SGCZ: variants seen among roughly 807,000 people sequenced by gnomAD.
SGCZ encodes sarcoglycan zeta.
SGCZ carries 40 observed loss-of-function variants against 41.3 expected under a neutral mutation model. The observed-to-expected ratio is 0.97, with a 90% confidence interval of 0.75 to 1.26. The LOEUF (loss-of-function observed/expected upper bound fraction) is 1.26, where lower values mean the gene tolerates loss of function less well. Ranked by LOEUF, SGCZ falls within the 50% of genes most tolerant of loss-of-function variation. The pLI is 0.00. For missense variants in SGCZ, 552 were observed against 369.8 expected (o/e 1.49, Z -4.04); for synonymous variants, 206 against 137.5 (o/e 1.50, Z -3.49).
chr8:15,082,119 C>A (rs1451099924), intron 1 of SGCZ, among the ~76,000 whole-genome samples: 2 of 151,952 alleles, frequency 1.3e-5, no homozygotes, highest in Non-Finnish European at 2.9e-5. Context: ...ATCTCAGCTA[C>A]TGGGGAGGCT....
Position 15,188,082 on chromosome 8 carries a change from T to C in SGCZ, c.39+49503A>G, listed in dbSNP as rs533287981. 2.6e-5 allele frequency among the ~76,000 whole-genome samples: 4 copies of C among 152,144 alleles called. No homozygotes were observed. In the East Asian group the frequency reaches 5.8e-4, roughly 22 times the overall value. On this transcript the variant is annotated intron_variant, in intron 1 of 7. Transcript: ENST00000382080. Reference sequence around the variant, plus strand: ...ATGTATGCTCGTTTAATTTTAACCATGTCTACATAATAATCTCCATTTTGC... The same window carrying C: ...ATGTATGCTCGTTTAATTTTAACCACGTCTACATAATAATCTCCATTTTGC...
chr8:15,228,995 A>G (rs1271672409), intron 1 of SGCZ, among the ~76,000 whole-genome samples: 1 of 152,178 alleles, frequency 6.6e-6, no homozygotes, highest in African/African-American at 2.4e-5. Flanking sequence ...GGAGTTCAAG[A>G]CCAGCCTGGC....
At chr8:14,151,099 A>G (rs1241549852) in intron 5 of SGCZ, among the ~76,000 whole-genome samples, 1 of 152,086 alleles carries the variant, frequency 6.6e-6, no homozygotes, top group Non-Finnish European at 1.5e-5. Flanking sequence ...AATGAATAAG[A>G]CCTGTTTGAT....
chr8:14,571,030 C>A (rs140016928), intron 1 of SGCZ, among the ~76,000 whole-genome samples: 191 of 152,296 alleles, frequency 1.3e-3, no homozygotes, highest in African/African-American at 4.2e-3. Context: ...AGTTTTCGCA[C>A]TGCTATAAAG....
At chr8:14,385,578 C>A (rs1015002026) in intron 2 of SGCZ, among the ~76,000 whole-genome samples, 5 of 152,096 alleles carry the variant, frequency 3.3e-5, no homozygotes, top group Admixed American at 6.5e-5. Flanking sequence ...ATGAACGAAA[C>A]CAAGGCTAAG....
At chr8:14,179,907 T>C (rs950881395) in intron 4 of SGCZ, among the ~76,000 whole-genome samples, 1 of 152,122 alleles carries the variant, frequency 6.6e-6, no homozygotes, top group South Asian at 2.1e-4. Context: ...TGGACACATA[T>C]AGAGCAAGAG....
At chr8:14,493,979 T>C (rs975982997) in intron 2 of SGCZ, among the ~76,000 whole-genome samples, 1 of 151,956 alleles carries the variant, frequency 6.6e-6, no homozygotes, top group African/African-American at 2.4e-5. Flanking sequence ...GAGAAAAAAA[T>C]ATGCAGCAGT....
intron 1 of SGCZ, among the ~76,000 whole-genome samples, chr8:14,974,363 T>C (rs968107145): frequency 5.9e-5 from 9 of 152,206 alleles, no homozygotes; most frequent in African/African-American, 2.2e-4. Flanking sequence ...ACCAGGAAGT[T>C]CAGAATCACA....
intron 2 of SGCZ, among the ~76,000 whole-genome samples, chr8:14,457,713 C>G (rs1027646878): frequency 2.6e-5 from 4 of 152,232 alleles, no homozygotes; most frequent in Non-Finnish European, 4.4e-5. Context: ...TCTCCTCTCC[C>G]TCTCTGCCTC....
intron 1 of SGCZ, among the ~76,000 whole-genome samples, chr8:14,715,845 A>G (rs934436508): frequency 9.9e-5 from 15 of 152,182 alleles, no homozygotes; most frequent in African/African-American, 3.6e-4. Context: ...TACAAATTTA[A>G]AAACCCCAAA....
intron 1 of SGCZ, among the ~76,000 whole-genome samples, chr8:14,677,411 A>G (rs1385027460): frequency 6.6e-6 from 1 of 152,162 alleles, no homozygotes; most frequent in Non-Finnish European, 1.5e-5. Context: ...CAACCCAATC[A>G]AAATCTCAGC....
chr8:14,453,114 T>A (rs983476295), intron 2 of SGCZ, among the ~76,000 whole-genome samples: 2 of 151,850 alleles, frequency 1.3e-5, no homozygotes, highest in South Asian at 4.2e-4. Context: ...TCTCAAAAAA[T>A]AATAATAATA....
At chr8:15,060,682 A>G (rs1804893414) in intron 1 of SGCZ, among the ~76,000 whole-genome samples, 1 of 151,828 alleles carries the variant, frequency 6.6e-6, no homozygotes, top group Non-Finnish European at 1.5e-5. Context: ...AAAAAAAAAA[A>G]AAAAAGTCTC....
At chr8:14,938,539 T>C (rs1800159961) in intron 1 of SGCZ, among the ~76,000 whole-genome samples, 1 of 152,220 alleles carries the variant, frequency 6.6e-6, no homozygotes, top group Non-Finnish European at 1.5e-5. Context: ...GAACACAGTA[T>C]ATAATATACA....
rs1585680959 is a variant in SGCZ at position 15,214,144 on chromosome 8, T to C, written c.39+23441A>G. Among the ~76,000 whole-genome samples the C allele has an allele frequency of 3.3e-5, 5 of 152,198 alleles. No homozygotes were observed. The East Asian group carries it at 9.6e-4, about 29-fold the overall frequency. Reference sequence around the variant, plus strand: ...ATGTGAAAAAAAACATCAATTTTTATATAATAATAAGTTAGGCACCAAAAG... The same window carrying C: ...ATGTGAAAAAAAACATCAATTTTTACATAATAATAAGTTAGGCACCAAAAG... On this transcript the variant is annotated intron_variant, in intron 1 of 7. Coordinates refer to ENST00000382080, the MANE Select transcript of SGCZ (RefSeq NM_139167.4).
chr8:14,685,774 C>T (rs960485070), intron 1 of SGCZ, among the ~76,000 whole-genome samples: 7 of 152,166 alleles, frequency 4.6e-5, no homozygotes, highest in South Asian at 2.1e-4. Context: ...TTAAATATTA[C>T]AGATGAACAC....
At chr8:15,122,204 A>T (rs957537194) in intron 1 of SGCZ, among the ~76,000 whole-genome samples, 1 of 151,784 alleles carries the variant, frequency 6.6e-6, no homozygotes, top group East Asian at 1.9e-4. Flanking sequence ...TGCAATGGGT[A>T]TGAAGAAAAA....
chr8:14,770,547 A>C (rs1410380314), intron 1 of SGCZ, among the ~76,000 whole-genome samples: 1 of 151,960 alleles, frequency 6.6e-6, no homozygotes, highest in Non-Finnish European at 1.5e-5. Flanking sequence ...GTTCTCACAT[A>C]AAATATCTTA....
In SGCZ at chr8:15,100,245, A is replaced by AACAT. The variant is rs1309844334; in HGVS notation, c.39+137339_39+137340insATGT. 4.5e-3 allele frequency among the ~76,000 whole-genome samples: 687 copies of AACAT among 152,334 alleles called. 8 individuals are homozygous for AACAT. Among genetic ancestry groups the AACAT allele is most frequent in the African/African-American group, 0.016 (649 of 41,596 alleles). ...AATTTCCTGGAACTGTTAAGTAATT[A>AACAT]TAGCAAGGTTGCAGGATACAAAGTT... On this transcript the variant is annotated intron_variant, in intron 1 of 7. Coordinates refer to ENST00000382080, the MANE Select transcript of SGCZ (RefSeq NM_139167.4).
Sources: allele counts gnomAD v4.1 joint callset (sites outside exome capture counted in the v4.1 genomes callset), GRCh38; gene constraint gnomAD v4.1.1; transcripts MANE v1.5; gene names NCBI Gene and HGNC (gene_info 2026-07-23, HGNC 2026-07-21).